MACROD2: variants seen among roughly 807,000 people sequenced by gnomAD.
MACROD2 encodes ADP-ribose glycohydrolase MACROD2.
In MACROD2, 36 loss-of-function variants were observed where a neutral mutation model predicts 70.4. The observed-to-expected ratio is 0.51, with a 90% CI of 0.39 to 0.68. The LOEUF (loss-of-function observed/expected upper bound fraction) is 0.68. Among genes scored for constraint, MACROD2 ranks in the 30% least tolerant of loss-of-function variants. The pLI is 0.00. For missense variants in MACROD2, 496 were observed against 538.4 expected, an observed-to-expected ratio of 0.92 and a Z score of 0.78; for synonymous variants, 172 against 178.8, an observed-to-expected ratio of 0.96 and a Z score of 0.30.
At chr20:15,553,044 A>G (rs6105431) in intron 8 of MACROD2, among the ~76,000 whole-genome samples, 8,591 of 152,254 alleles carry the variant, frequency 0.056, 295 homozygotes, top group South Asian at 0.1. Flanking sequence ...GTGTAATTAT[A>G]TGTTGTTGGA....
intron 3 of MACROD2, among the ~76,000 whole-genome samples, chr20:14,447,298 G>A (rs1400714090): frequency 2.0e-5 from 3 of 152,084 alleles, no homozygotes; most frequent in East Asian, 3.9e-4. Flanking sequence ...GATTACAGGC[G>A]TGAGCCACTG....
chr20:15,676,063 A>G (rs774487120), intron 8 of MACROD2, among the ~76,000 whole-genome samples: 4 of 152,182 alleles, frequency 2.6e-5, no homozygotes, highest in Non-Finnish European at 5.9e-5. Flanking sequence ...GCTGCTTTTC[A>G]TTTTATTTCC....
intron 5 of MACROD2, among the ~76,000 whole-genome samples, chr20:15,013,796 A>G (rs1438511322): frequency 1.3e-5 from 2 of 152,164 alleles, no homozygotes; most frequent in Non-Finnish European, 2.9e-5. Context: ...AGGGAGCCCA[A>G]CCTACAACAC....
At chr20:14,190,831 C>G (rs1001586145) in intron 3 of MACROD2, among the ~76,000 whole-genome samples, 1 of 148,524 alleles carries the variant, frequency 6.7e-6, no homozygotes, top group African/African-American at 2.5e-5. Context: ...CCTCAGCCTC[C>G]TGAGTAGCTG....
At chr20:14,939,037 C>G (rs575115941) in intron 5 of MACROD2, among the ~76,000 whole-genome samples, 1 of 143,940 alleles carries the variant, frequency 6.9e-6, no homozygotes, top group Non-Finnish European at 1.5e-5. Flanking sequence ...GCACATATTT[C>G]TCCCATGCTA....
intron 5 of MACROD2, among the ~76,000 whole-genome samples, chr20:15,114,827 C>T (rs2075980777): frequency 6.6e-6 from 1 of 151,982 alleles, no homozygotes; most frequent in African/African-American, 2.4e-5. Context: ...CTGATGAGAC[C>T]ATCAATCAAG....
intron 8 of MACROD2, among the ~76,000 whole-genome samples, chr20:15,695,292 G>T (rs1365829543): frequency 2.6e-5 from 4 of 151,962 alleles, no homozygotes; most frequent in Non-Finnish European, 5.9e-5. Flanking sequence ...CATTGAATTT[G>T]TACATTGCTT....
At chr20:15,699,359 A>G (rs2050422205) in intron 8 of MACROD2, among the ~76,000 whole-genome samples, 2 of 151,998 alleles carry the variant, frequency 1.3e-5, no homozygotes. Context: ...GGGTCTAGCC[A>G]CCCAAGGAGT....
intron 3 of MACROD2, among the ~76,000 whole-genome samples, chr20:14,218,339 T>A (rs2081641216): frequency 6.6e-6 from 1 of 152,226 alleles, no homozygotes; most frequent in East Asian, 1.9e-4. Context: ...CTACCCCTGC[T>A]CACTTTTGGT....
intron 8 of MACROD2, among the ~76,000 whole-genome samples, chr20:15,806,121 A>T (rs8118724): frequency 0.48 from 73,226 of 152,018 alleles, 18,615 homozygotes; most frequent in African/African-American, 0.65. Flanking sequence ...ATATAAAATT[A>T]CTTATCTCTC....
chr20:14,915,351 A>T (rs931869379), intron 5 of MACROD2, among the ~76,000 whole-genome samples: 3 of 152,206 alleles, frequency 2.0e-5, no homozygotes, highest in Non-Finnish European at 4.4e-5. Context: ...GTCAAAATGG[A>T]AACCCCAAGT....
At chr20:14,256,925 A>C (rs1290599045) in intron 3 of MACROD2, among the ~76,000 whole-genome samples, 1 of 152,094 alleles carries the variant, frequency 6.6e-6, no homozygotes, top group East Asian at 1.9e-4. Flanking sequence ...ATGATCTTCT[A>C]ATTGTTTTCA....
At chr20:14,076,365 T>C (rs2053916132) in intron 2 of MACROD2, among the ~76,000 whole-genome samples, 1 of 152,024 alleles carries the variant, frequency 6.6e-6, no homozygotes, top group Non-Finnish European at 1.5e-5. Context: ...TTAAAGTTCA[T>C]ACGGGCTGGA....
chr20:14,076,078 A>T (rs1332803763), intron 2 of MACROD2, among the ~76,000 whole-genome samples: 2 of 152,250 alleles, frequency 1.3e-5, no homozygotes, highest in Admixed American at 1.3e-4. Flanking sequence ...TAGACCAAAG[A>T]TAAAACTATA....
chr20:15,700,224 C>T (rs1350463453), intron 8 of MACROD2, among the ~76,000 whole-genome samples: 1 of 152,220 alleles, frequency 6.6e-6, no homozygotes, highest in East Asian at 1.9e-4. Context: ...CCTCTGCATG[C>T]TGCTCTGTCT....
intron 4 of MACROD2, among the ~76,000 whole-genome samples, chr20:14,520,612 C>T (rs1215854610): frequency 6.6e-6 from 1 of 151,896 alleles, no homozygotes; most frequent in Non-Finnish European, 1.5e-5. Context: ...CTCCTTGCTC[C>T]TAGTTTTTCA....
intron 5 of MACROD2, among the ~76,000 whole-genome samples, chr20:15,149,553 C>G (rs1401348077): frequency 2.0e-5 from 3 of 152,026 alleles, no homozygotes; most frequent in African/African-American, 7.3e-5. Context: ...AGAGTGAGTA[C>G]AGCTGAAGGA....
At chr20:14,569,994 A>G (rs950205608) in intron 4 of MACROD2, among the ~76,000 whole-genome samples, 27 of 152,086 alleles carry the variant, frequency 1.8e-4, no homozygotes, top group Admixed American at 6.6e-4. Flanking sequence ...ATATATAGCT[A>G]TCCTCTAACT....
At chr20:14,262,676 G>GT (rs774370993) in intron 3 of MACROD2, among the ~76,000 whole-genome samples, 1 of 152,166 alleles carries the variant, frequency 6.6e-6, no homozygotes, top group Non-Finnish European at 1.5e-5. Flanking sequence ...AAAGGGAGAG[G>GT]TAGGAGAGGG....
Sources: gnomAD v4.1 joint callset for allele counts (sites outside exome capture counted in the v4.1 genomes callset) on GRCh38, gnomAD v4.1.1 for gene constraint, MANE v1.5 for transcripts, NCBI Gene and HGNC (gene_info 2026-07-23, HGNC 2026-07-21) for gene names.